Variants in CDH5 observed in about 807,000 individuals in gnomAD.
CDH5 encodes the protein cadherin-5.
A neutral mutation model predicts 62.0 loss-of-function variants in CDH5; 28 were observed. The observed-to-expected ratio is 0.45, with a 90% CI of 0.33 to 0.62. The LOEUF (loss-of-function observed/expected upper bound fraction) is 0.62, where lower values mean the gene tolerates loss of function less well. Among genes scored for constraint, CDH5 ranks in the 20% least tolerant of loss-of-function variants. The probability of loss-of-function intolerance (pLI) is 0.02; values close to 1 mark genes in which losing one functional copy is unlikely to be tolerated. For missense variants in CDH5, 940 were observed against 1,065.1 expected, an observed-to-expected ratio of 0.88 and a Z score of 1.63; for synonymous variants, 464 against 445.8, an observed-to-expected ratio of 1.04 and a Z score of -0.52.
At chr16:66,368,681 T>C (rs1412291390) in intron 1 of CDH5, among the ~76,000 whole-genome samples, 1 of 152,190 alleles carries the variant, frequency 6.6e-6, no homozygotes, top group Non-Finnish European at 1.5e-5. Context: ...ATTTGACAGA[T>C]GGGACCATCG....
At chr16:66,401,116 T>C in intron 11 of CDH5, 100 bp downstream of exon 11, 1 of 1,487,922 alleles carries the variant, frequency 6.7e-7, no homozygotes, top group Non-Finnish European at 9.2e-7. Flanking sequence ...AGGCCAGAGG[T>C]TCAGGCCCAA....
Position 66,398,552 on chromosome 16 carries a change from G to T in CDH5, c.1582G>T (p.Asp528Tyr), listed in dbSNP as rs146558930. 2 of 1,529,214 alleles carry T rather than the reference G, an allele frequency of 1.3e-6. No homozygotes were observed. The highest frequency in any genetic ancestry group is 1.8e-6 in the Non-Finnish European group (2 of 1,102,696). 94.7% of individuals were successfully genotyped at this position (1,529,214 alleles called of 1,614,324 possible). A position where few individuals can be genotyped will look rare whatever the true frequency, so the allele number is the denominator to read the frequency against. ...TACTGAGAACAACTTTACCCTCACG[G>T]ATAATCACGGTAGGCATCAAAGTAA... ...LNTENNFTLT[D>Y]NHDNTANITV... Residue 528 changes from aspartate (D) to tyrosine (Y), a missense_variant, in exon 10 of 12, where the codon GAT becomes TAT. Transcript: ENST00000341529.
chr16:66,394,651 T>C (rs1029937116), intron 7 of CDH5, among the ~76,000 whole-genome samples: 4 of 152,142 alleles, frequency 2.6e-5, no homozygotes, highest in Non-Finnish European at 5.9e-5. Context: ...AAATTTAAAA[T>C]GTTTTCTTGG....
intron 7 of CDH5, 47 bp from the exon 8 acceptor site, chr16:66,396,012 C>T: frequency 6.3e-7 from 1 of 1,598,426 alleles, no homozygotes; most frequent in Non-Finnish European, 8.5e-7. Flanking sequence ...GGAGTGTAGA[C>T]TCAGCAAAGA....
Position 66,403,288 on chromosome 16 carries a change from G to A in CDH5, c.*119G>A, listed in dbSNP as rs1414611902. ...CTCCCCAGCCCAGCACCCCTTCCTCGTGGGTCCCAGAGACCTCATCAGCCT... is the reference window on the plus strand; with the variant it reads ...CTCCCCAGCCCAGCACCCCTTCCTCATGGGTCCCAGAGACCTCATCAGCCT... On this transcript the variant is annotated 3_prime_UTR_variant, in exon 12 of 12. Coordinates refer to ENST00000341529, the MANE Select transcript of CDH5 (RefSeq NM_001795.5). This position sits in a 1 kb window ranked among gnomAD's most constrained non-coding sequence, Gnocchi z 4.3. The A allele has an allele frequency of 1.2e-5, 11 of 880,796 alleles. No individual in the cohort carries two copies. The highest frequency in any genetic ancestry group is 1.7e-5 in the South Asian group (1 of 58,000). The allele number at this position is 880,796 out of a possible 1,614,324, so 54.6% of individuals were successfully genotyped here. A position where few individuals can be genotyped will look rare whatever the true frequency, so the allele number is the denominator to read the frequency against.
chr16:66,401,064 T>G, intron 11 of CDH5, 48 bp downstream of exon 11: 3 of 1,611,532 alleles, frequency 1.9e-6, no homozygotes, highest in Non-Finnish European at 2.5e-6. Flanking sequence ...TGGAAGGGGA[T>G]GGAAGGTGTT....
chr16:66,379,463 C>T lies in CDH5; in HGVS notation c.126C>T (p.His42=). Residue 42 remains histidine, a synonymous_variant, in exon 2 of 12, where the codon CAC becomes CAT. Coordinates refer to ENST00000341529, the MANE Select transcript of CDH5 (RefSeq NM_001795.5). ...ACACCCACAGCCTGCTGCCCACCCA[C>T]CGGCGCCAAAAGAGAGATTGGATTT... ...QRDTHSLLPT[H]RRQKRDWIWN... is the part of the protein sequence containing the mutation. 1 of 1,614,228 alleles carries T rather than the reference C, an allele frequency of 6.2e-7. No individual in the cohort carries two copies. The highest frequency in any genetic ancestry group is 8.5e-7 in the Non-Finnish European group (1 of 1,180,036).
Position 66,400,985 on chromosome 16 carries a change from A to T in CDH5, c.1806A>T (p.Val602=), listed in dbSNP as rs1338924845. 6.2e-7 allele frequency: 1 copy of T among 1,614,072 alleles called. No homozygotes were observed. Residue 602 remains valine (V), a synonymous_variant, in exon 11 of 12, where the codon GTA becomes GTT. Transcript: ENST00000341529. ...AQVGVSIQAV[V]AILLCILTIT... is the part of the protein sequence containing the mutation. ...TGGGCGTGAGCATCCAGGCAGTGGTAGCCATCTTACTCTGCATCCTCACCA... is the reference window on the plus strand; with the variant it reads ...TGGGCGTGAGCATCCAGGCAGTGGTTGCCATCTTACTCTGCATCCTCACCA...
At chr16:66,384,661 CAAAAA>C (rs10630303) in intron 2 of CDH5, among the ~76,000 whole-genome samples, 2 of 101,598 alleles carry the variant, frequency 2.0e-5, no homozygotes, top group Admixed American at 1.1e-4. Flanking sequence ...GTACCTGTCT[CAAAAA>C]AAAAAAAAAA....
At chr16:66,368,257 G>A (rs1960623304) in intron 1 of CDH5, among the ~76,000 whole-genome samples, 1 of 152,168 alleles carries the variant, frequency 6.6e-6, no homozygotes, top group South Asian at 2.1e-4. Flanking sequence ...TCCATCCTCA[G>A]GTGGTGGGAA....
Position 66,379,229 on chromosome 16 carries a change from T to G in CDH5, c.-19-90T>G, listed in dbSNP as rs183035490. ...TGTTTGCCCCAGGCTTTTGGCATTA[T>G]ATCTAGCTGCTCTTATGTGAAATAC... On this transcript the variant is annotated intron_variant, in intron 1 of 11. Coordinates refer to ENST00000341529, the MANE Select transcript of CDH5 (RefSeq NM_001795.5). 2.9e-5 allele frequency: 27 copies of G among 939,442 alleles called. No homozygotes were observed. The African/African-American group carries it at 3.3e-4, about 11-fold the overall frequency. The allele number at this position is 939,442 out of a possible 1,614,324, so 58.2% of individuals were successfully genotyped here.
chr16:66,402,985 C>T lies in CDH5; in HGVS notation c.2171C>T (p.Pro724Leu), dbSNP rs527919138. 14 of 1,613,270 alleles carry T rather than the reference C, an allele frequency of 8.7e-6. No homozygotes were observed. Among genetic ancestry groups the T allele is most frequent in the African/African-American group, 1.3e-5 (1 of 74,864 alleles). The change falls in exon 12 of 12, where the codon CCC (proline) becomes CTC (leucine). Residue 724 changes from proline (P) to leucine (L), a missense_variant. Coordinates refer to ENST00000341529, the MANE Select transcript of CDH5 (RefSeq NM_001795.5). ...GCGGACCACGACGGCGACGGCCCCC[C>T]CTACGACACGCTGCACATCTACGGC... ...DEADHDGDGP[P>L]YDTLHIYGYE... is the part of the protein sequence containing the mutation.
rs1266250247 is a variant in CDH5 at position 66,388,345 on chromosome 16, C to G, written c.521C>G (p.Thr174Arg). ...SAVGTSVISV[T>R]AVDADDPTVG... ...GCAGGGACCTCAGTCATCTCTGTGA[C>G]AGCAGTGGATGCAGACGACCCCACT... Residue 174 changes from threonine (T) to arginine (R), a missense_variant, in exon 4 of 12, where the codon ACA becomes AGA. Coordinates refer to ENST00000341529, the MANE Select transcript of CDH5 (RefSeq NM_001795.5). The G allele has an allele frequency of 6.2e-6, 10 of 1,613,068 alleles. No individual in the cohort carries two copies. In the Admixed American group the frequency reaches 8.3e-5, roughly 13 times the overall value.
In CDH5 at chr16:66,396,126, A is replaced by G; in HGVS notation, c.1285A>G (p.Asn429Asp). Residue 429 changes from asparagine to aspartate, a missense_variant, in exon 8 of 12, where the codon AAT becomes GAT. Physicochemically the swap from Asn to Asp is conservative, Grantham distance 23 (BLOSUM62 1). Transcript: ENST00000341529. ...AGTCACAAAAAAGGGGGACATTTACAATGAGAAAGAACTGGACAGAGAAGT... is the reference window on the plus strand; with the variant it reads ...AGTCACAAAAAAGGGGGACATTTACGATGAGAAAGAACTGGACAGAGAAGT... ...FRVTKKGDIY[N>D]EKELDREVYP... 4.3e-6 allele frequency: 7 copies of G among 1,614,166 alleles called. No homozygotes were observed. Among genetic ancestry groups the G allele is most frequent in the Non-Finnish European group, 5.9e-6 (7 of 1,179,984 alleles).
intron 2 of CDH5, among the ~76,000 whole-genome samples, chr16:66,382,916 A>C (rs1011423211): frequency 9.2e-5 from 14 of 152,278 alleles, no homozygotes; most frequent in African/African-American, 3.1e-4. Flanking sequence ...TGAACCCACA[A>C]ATATGGGTTT....
chr16:66,403,285 C>G lies in CDH5; in HGVS notation c.*116C>G. 1 of 906,804 alleles carries G rather than the reference C, an allele frequency of 1.1e-6. No individual in the cohort carries two copies. Among genetic ancestry groups the G allele is most frequent in the Middle Eastern group, 3.2e-4 (1 of 3,118 alleles). 56.2% of individuals were successfully genotyped at this position (906,804 alleles called of 1,614,324 possible). A position where few individuals can be genotyped will look rare whatever the true frequency, so the allele number is the denominator to read the frequency against. On this transcript the variant is annotated 3_prime_UTR_variant, in exon 12 of 12. Coordinates refer to ENST00000341529, the MANE Select transcript of CDH5 (RefSeq NM_001795.5). This position sits in a 1 kb window ranked among gnomAD's most constrained non-coding sequence, Gnocchi z 4.3. ...TGACTCCCCAGCCCAGCACCCCTTC[C>G]TCGTGGGTCCCAGAGACCTCATCAG...
Position 66,389,365 on chromosome 16 carries a change from T to C in CDH5, c.624T>C (p.Ile208=). The C allele has an allele frequency of 1.9e-6, 3 of 1,610,242 alleles. No individual in the cohort carries two copies. Among genetic ancestry groups the C allele is most frequent in the South Asian group, 1.1e-5 (1 of 90,646 alleles). Residue 208 remains isoleucine, a synonymous_variant, in exon 5 of 12, where the codon ATT becomes ATC. Coordinates refer to ENST00000341529, the MANE Select transcript of CDH5 (RefSeq NM_001795.5). ...CTGGGAATCTTTTTGCAGGACGTAT[T>C]ATCACAATAACGAAAAGCTTGGACC... ...EYFAIDNSGR[I]ITITKSLDRE... is the part of the protein sequence containing the mutation.
chr16:66,386,010 G>C (rs1443114551), intron 2 of CDH5, among the ~76,000 whole-genome samples: 2 of 152,202 alleles, frequency 1.3e-5, no homozygotes, highest in Non-Finnish European at 2.9e-5. Context: ...CAAAAGTGCT[G>C]TTCTACTCCT....
rs949493417 is a variant in CDH5, at chr16:66,402,929, G to A, written c.2115G>A (p.Met705Ile). ...GGGCACACGGAGGGCCCGGGGAGATGGCAGCCATGATCGAGGTGAAGAAGG... is the reference window on the plus strand; with the variant it reads ...GGGCACACGGAGGGCCCGGGGAGATAGCAGCCATGATCGAGGTGAAGAAGG... The part of the protein sequence containing the change: ...APGAHGGPGE[M>I]AAMIEVKKDE... The change falls in exon 12 of 12, where the codon ATG becomes ATA. Residue 705 changes from methionine (M) to isoleucine (I), a missense_variant. Coordinates refer to ENST00000341529, the MANE Select transcript of CDH5 (RefSeq NM_001795.5). 8.7e-6 allele frequency: 14 copies of A among 1,612,240 alleles called. No homozygotes were observed. The highest frequency in any genetic ancestry group is 1.2e-5 in the Non-Finnish European group (14 of 1,179,856).
Sources: gnomAD v4.1 joint callset for allele counts (sites outside exome capture counted in the v4.1 genomes callset) on GRCh38, gnomAD v4.1.1 for gene constraint, Gnocchi (gnomAD v3.1) non-coding constraint, MANE v1.5 for transcripts, NCBI Gene and HGNC (gene_info 2026-07-23, HGNC 2026-07-21) for gene names.